BMPER: variants seen among roughly 807,000 people sequenced by gnomAD.
The protein encoded by BMPER is BMP binding endothelial regulator, also known as BMP-binding endothelial regulator protein.
In BMPER, 45 loss-of-function variants were observed where a neutral mutation model predicts 87.3. The ratio of observed to expected loss-of-function variants is 0.52; its 90% CI spans 0.41 to 0.66. The LOEUF (loss-of-function observed/expected upper bound fraction) is 0.66. Among genes scored for constraint, BMPER ranks in the 30% least tolerant of loss-of-function variants. The probability of loss-of-function intolerance (pLI) is 0.00; values close to 1 mark genes in which losing one functional copy is unlikely to be tolerated. For synonymous variants in BMPER, 326 were observed against 316.2 expected (o/e 1.03, Z -0.33); for missense variants, 784 against 867.5 (o/e 0.90, Z 1.21).
intron 13 of BMPER, among the ~76,000 whole-genome samples, chr7:34,122,911 T>C (rs1016965927): frequency 1.2e-4 from 18 of 152,158 alleles, no homozygotes; most frequent in African/African-American, 4.1e-4. Context: ...CTTCTCAGAG[T>C]CCACAGAAGC....
chr7:33,926,536 G>T (rs1784366813), intron 2 of BMPER, among the ~76,000 whole-genome samples: 1 of 152,142 alleles, frequency 6.6e-6, no homozygotes, highest in African/African-American at 2.4e-5. Context: ...TCTCAGAAAT[G>T]GATTATTTGC....
chr7:34,131,445 C>T (rs1790586464), intron 13 of BMPER, among the ~76,000 whole-genome samples: 1 of 152,216 alleles, frequency 6.6e-6, no homozygotes, highest in African/African-American at 2.4e-5. Flanking sequence ...CCGCATCCTC[C>T]AGGGGCAGCC....
intron 9 of BMPER, among the ~76,000 whole-genome samples, chr7:34,057,055 T>G (rs925858634): frequency 6.6e-6 from 1 of 152,194 alleles, no homozygotes; most frequent in Non-Finnish European, 1.5e-5. Context: ...GCAGATTCAG[T>G]TAGGTCTTTC....
chr7:33,931,573 G>C (rs1784482533), intron 2 of BMPER, among the ~76,000 whole-genome samples: 1 of 152,218 alleles, frequency 6.6e-6, no homozygotes, highest in African/African-American at 2.4e-5. Flanking sequence ...GTGCTAAAAA[G>C]TTCTCTTGGG....
chr7:34,143,126 G>T, intron 13 of BMPER, 104 bp from the exon 14 acceptor site: 1 of 1,540,544 alleles, frequency 6.5e-7, no homozygotes, highest in Non-Finnish European at 8.9e-7. Context: ...AAATTTTAAT[G>T]GGCCAATCAG....
At chr7:34,076,906 A>C (rs746449078) in intron 11 of BMPER, among the ~76,000 whole-genome samples, 8 of 152,082 alleles carry the variant, frequency 5.3e-5, no homozygotes, top group Non-Finnish European at 1.2e-4. Context: ...GCTGAGGTCC[A>C]TCTGTAGCAT....
intron 13 of BMPER, among the ~76,000 whole-genome samples, chr7:34,116,795 G>A (rs1283900835): frequency 6.6e-6 from 1 of 152,088 alleles, no homozygotes; most frequent in African/African-American, 2.4e-5. Flanking sequence ...TTTGAGACCA[G>A]CCTGGCCAAC....
intron 3 of BMPER, among the ~76,000 whole-genome samples, chr7:33,961,353 A>G (rs1785265343): frequency 6.6e-6 from 1 of 152,140 alleles, no homozygotes; most frequent in African/African-American, 2.4e-5. Context: ...GTCTAGAATA[A>G]AAGGGCTAGG....
chr7:33,959,134 C>T (rs2128615644), intron 3 of BMPER, among the ~76,000 whole-genome samples: 1 of 152,270 alleles, frequency 6.6e-6, no homozygotes, highest in Admixed American at 6.5e-5. Flanking sequence ...ACACATTACC[C>T]AGTCTCGTGT....
At chr7:34,052,415 A>G (rs1433763622) in intron 8 of BMPER, among the ~76,000 whole-genome samples, 1 of 152,166 alleles carries the variant, frequency 6.6e-6, no homozygotes, top group Non-Finnish European at 1.5e-5. Flanking sequence ...TGTGCTGTTT[A>G]TTGTATCATG....
intron 13 of BMPER, among the ~76,000 whole-genome samples, chr7:34,124,449 G>GTTT (rs34998655): frequency 1.4e-5 from 2 of 147,000 alleles, no homozygotes; most frequent in Non-Finnish European, 3.0e-5. Context: ...GCATTGTAAA[G>GTTT]TTTTTTTTTT....
At chr7:33,963,358 A>T (rs896364978) in intron 3 of BMPER, among the ~76,000 whole-genome samples, 1 of 152,222 alleles carries the variant, frequency 6.6e-6, no homozygotes, top group Non-Finnish European at 1.5e-5. Context: ...GAAATGTTTA[A>T]TATAATTTGG....
chr7:34,125,812 C>T (rs892901120), intron 13 of BMPER, among the ~76,000 whole-genome samples: 2 of 152,160 alleles, frequency 1.3e-5, no homozygotes, highest in African/African-American at 4.8e-5. Context: ...ATTATGGTGG[C>T]ACAGCATTAT....
chr7:34,035,589 A>G (rs772286853), intron 6 of BMPER, among the ~76,000 whole-genome samples: 1 of 152,216 alleles, frequency 6.6e-6, no homozygotes, highest in African/African-American at 2.4e-5. Flanking sequence ...AAGATAACAG[A>G]TATTTTTTGT....
intron 2 of BMPER, among the ~76,000 whole-genome samples, chr7:33,932,642 A>T (rs1257053255): frequency 5.9e-5 from 9 of 152,168 alleles, no homozygotes; most frequent in African/African-American, 2.2e-4. Context: ...ATAGTCTAAA[A>T]ATAAAGGATC....
intron 2 of BMPER, among the ~76,000 whole-genome samples, chr7:33,913,742 C>G (rs1562626536): frequency 6.6e-6 from 1 of 152,158 alleles, no homozygotes; most frequent in African/African-American, 2.4e-5. Flanking sequence ...GTAGCACAGC[C>G]ACTTTGCTTG....
chr7:34,062,358 A>G (rs1400365960), intron 11 of BMPER, among the ~76,000 whole-genome samples: 2 of 152,210 alleles, frequency 1.3e-5, no homozygotes, highest in African/African-American at 4.8e-5. Flanking sequence ...ATTTGTAGTC[A>G]TCGCGGTTAA....
intron 3 of BMPER, among the ~76,000 whole-genome samples, chr7:33,961,940 G>A (rs1165356694): frequency 6.6e-6 from 1 of 152,120 alleles, no homozygotes; most frequent in African/African-American, 2.4e-5. Flanking sequence ...ATAATGGTAA[G>A]ATCCAGTTCT....
intron 13 of BMPER, among the ~76,000 whole-genome samples, chr7:34,115,330 T>C (rs1790084952): frequency 6.6e-6 from 1 of 152,220 alleles, no homozygotes; most frequent in Non-Finnish European, 1.5e-5. Context: ...AAAACACTAG[T>C]GTTATTTAGA....
Sources: allele counts gnomAD v4.1 joint callset (sites outside exome capture counted in the v4.1 genomes callset), GRCh38; gene constraint gnomAD v4.1.1; transcripts MANE v1.5; gene names NCBI Gene and HGNC (gene_info 2026-07-23, HGNC 2026-07-21).